TSHZ2: variants seen among roughly 807,000 people sequenced by gnomAD.
TSHZ2 encodes teashirt zinc finger homeobox 2.
A neutral mutation model predicts 74.4 loss-of-function variants in TSHZ2; 21 were observed. The observed-to-expected ratio is 0.28, with a 90% CI of 0.20 to 0.41. The LOEUF is 0.41. Ranked by LOEUF, TSHZ2 falls within the 10% of genes least tolerant of loss-of-function variation. The probability of loss-of-function intolerance (pLI) is 1.00; values close to 1 mark genes in which losing one functional copy is unlikely to be tolerated. For missense variants in TSHZ2, 1,244 were observed against 1,293.5 expected, an observed-to-expected ratio of 0.96 and a Z score of 0.59; for synonymous variants, 540 against 515.3, an observed-to-expected ratio of 1.05 and a Z score of -0.65.
chr20:53,183,308 A>G (rs376118822), intron 1 of TSHZ2, among the ~76,000 whole-genome samples: 85 of 152,298 alleles, frequency 5.6e-4, no homozygotes, highest in African/African-American at 2.0e-3. Context: ...ATTGATTGAA[A>G]AAGCACAAGG....
rs142291424 is a variant in TSHZ2, at chr20:53,365,101, C to G, written c.*8+108530C>G. Among the ~76,000 whole-genome samples, 569 of 152,302 alleles carry G rather than the reference C, an allele frequency of 3.7e-3. 4 individuals carry two copies. The highest frequency in any genetic ancestry group is 0.013 in the African/African-American group (542 of 41,560). On this transcript the variant is annotated intron_variant, in intron 2 of 2. Transcript: ENST00000371497. ...TGGTCTGCCCATTACTAAAGATGCCCAACTCTACACTAGTCAAGAAAATCT... is the reference window on the plus strand; with the variant it reads ...TGGTCTGCCCATTACTAAAGATGCCGAACTCTACACTAGTCAAGAAAATCT...
In TSHZ2 at chr20:53,247,648, C is replaced by T. The variant is rs565926173; in HGVS notation, c.41-5851C>T. The stretch of plus-strand genomic sequence containing the variant: ...ATTTTTTGTACCTACTGGGTACACG[C>T]TGAGAAATTCTCACGATCTCCTCAT... On this transcript the variant is annotated intron_variant, in intron 1 of 2. Transcript: ENST00000371497. Among the ~76,000 whole-genome samples, 6 of 152,344 alleles carry T rather than the reference C, an allele frequency of 3.9e-5. No individual in the cohort carries two copies. In the East Asian group the frequency reaches 9.6e-4, roughly 24 times the overall value.
chr20:53,095,439 A>G (rs1307669072), intron 1 of TSHZ2, among the ~76,000 whole-genome samples: 1 of 152,194 alleles, frequency 6.6e-6, no homozygotes, highest in Non-Finnish European at 1.5e-5. Context: ...GGAGCTGGGG[A>G]TGGAGCTAGC....
At chr20:53,408,727 G>A (rs952276949) in intron 2 of TSHZ2, among the ~76,000 whole-genome samples, 2 of 152,100 alleles carry the variant, frequency 1.3e-5, no homozygotes, top group South Asian at 2.1e-4. Context: ...TATTGAGATC[G>A]GACACTTTGA....
intron 2 of TSHZ2, among the ~76,000 whole-genome samples, chr20:53,331,864 A>G (rs1016656000): frequency 1.3e-5 from 2 of 151,990 alleles, no homozygotes; most frequent in Non-Finnish European, 2.9e-5. Flanking sequence ...TGATGGGCCA[A>G]GGGGAATGGA....
chr20:52,990,294 T>C (rs1981931442), intron 1 of TSHZ2, among the ~76,000 whole-genome samples: 1 of 152,160 alleles, frequency 6.6e-6, no homozygotes, highest in African/African-American at 2.4e-5. Context: ...ATGAAAAATG[T>C]CTACCCCTCT....
At chr20:53,142,245 C>T (rs1386332568) in intron 1 of TSHZ2, among the ~76,000 whole-genome samples, 1 of 152,224 alleles carries the variant, frequency 6.6e-6, no homozygotes, top group African/African-American at 2.4e-5. Context: ...TTGTTTCACT[C>T]TCTTCCTAGG....
chr20:53,069,867 T>C (rs1251579756), intron 1 of TSHZ2, among the ~76,000 whole-genome samples: 1 of 152,150 alleles, frequency 6.6e-6, no homozygotes, highest in Non-Finnish European at 1.5e-5. Context: ...ATTGATCTGT[T>C]CTTGCTTAAT....
intron 1 of TSHZ2, among the ~76,000 whole-genome samples, chr20:52,994,438 GTGAATGAA>G (rs760838893): frequency 7.7e-6 from 1 of 129,486 alleles, no homozygotes; most frequent in Non-Finnish European, 1.8e-5. Context: ...GGATGGATGA[GTGAATGAA>G]TGGACGGATG....
intron 1 of TSHZ2, among the ~76,000 whole-genome samples, chr20:53,038,878 G>A (rs200914956): frequency 1.0e-5 from 1 of 98,140 alleles, no homozygotes. Context: ...TTGTTTGTTT[G>A]TTTTGTTTTG....
intron 1 of TSHZ2, among the ~76,000 whole-genome samples, chr20:52,974,735 C>T (rs1259152754): frequency 6.6e-6 from 1 of 152,180 alleles, no homozygotes; most frequent in Non-Finnish European, 1.5e-5. Flanking sequence ...TGTGTTGAAC[C>T]ACCAAGCTCA....
intron 2 of TSHZ2, among the ~76,000 whole-genome samples, chr20:53,331,210 T>C (rs1315187267): frequency 6.6e-6 from 1 of 152,202 alleles, no homozygotes; most frequent in Non-Finnish European, 1.5e-5. Context: ...CTCTGTTTTG[T>C]TTTTAACAAA....
intron 1 of TSHZ2, among the ~76,000 whole-genome samples, chr20:53,128,081 T>G (rs1986996373): frequency 6.6e-6 from 1 of 152,186 alleles, no homozygotes; most frequent in Non-Finnish European, 1.5e-5. Flanking sequence ...GATAGTAGAT[T>G]TCATCTTGAG....
At chr20:53,422,096 G>T (rs1374263346) in intron 2 of TSHZ2, among the ~76,000 whole-genome samples, 15 of 152,030 alleles carry the variant, frequency 9.9e-5, no homozygotes, top group Admixed American at 9.8e-4. Context: ...AGTTCGTTGG[G>T]TTTCGTATTT....
chr20:53,288,446 G>A (rs897643634), intron 2 of TSHZ2, among the ~76,000 whole-genome samples: 1 of 151,302 alleles, frequency 6.6e-6, no homozygotes, highest in Non-Finnish European at 1.5e-5. Context: ...TGTTCAATAA[G>A]TTTTAGGTTT....
At chr20:53,406,923 G>A (rs953364303) in intron 2 of TSHZ2, among the ~76,000 whole-genome samples, 4 of 152,224 alleles carry the variant, frequency 2.6e-5, no homozygotes, top group East Asian at 1.9e-4. Flanking sequence ...CTGGTCCCAC[G>A]TCTTCCTAAT....
At chr20:53,102,888 A>C (rs1280397686) in intron 1 of TSHZ2, among the ~76,000 whole-genome samples, 1 of 119,826 alleles carries the variant, frequency 8.3e-6, no homozygotes, top group Admixed American at 7.5e-5. Context: ...TTTTTATTAT[A>C]CTTTAAGTTT....
chr20:53,031,624 G>A (rs1346282359), intron 1 of TSHZ2, among the ~76,000 whole-genome samples: 1 of 152,202 alleles, frequency 6.6e-6, no homozygotes, highest in Non-Finnish European at 1.5e-5. Flanking sequence ...GGGTGGAAAA[G>A]TGTATAGAGG....
chr20:53,228,808 A>C (rs1318197435), intron 1 of TSHZ2, among the ~76,000 whole-genome samples: 1 of 152,156 alleles, frequency 6.6e-6, no homozygotes, highest in Non-Finnish European at 1.5e-5. Context: ...TTGTCTCCAG[A>C]CTTTGTCACA....
Sources: gnomAD v4.1 joint callset for allele counts (sites outside exome capture counted in the v4.1 genomes callset) on GRCh38, gnomAD v4.1.1 for gene constraint, MANE v1.5 for transcripts, NCBI Gene and HGNC (gene_info 2026-07-23, HGNC 2026-07-21) for gene names.